Variants in FBXO25 observed in about 807,000 individuals in gnomAD.
FBXO25 encodes the protein F-box only protein 25.
In FBXO25, 45 loss-of-function variants were observed where a neutral mutation model predicts 51.9. That is an observed-to-expected ratio of 0.87 (90% CI 0.68 to 1.11). The LOEUF is 1.11. Among genes scored for constraint, FBXO25 ranks in the 50% most tolerant of loss-of-function variants. The pLI, the probability that FBXO25 is intolerant of heterozygous loss-of-function variation, is 0.00. For synonymous variants in FBXO25, 199 were observed against 151.0 expected, an observed-to-expected ratio of 1.32 and a Z score of -2.33; for missense variants, 507 against 428.5, an observed-to-expected ratio of 1.18 and a Z score of -1.62.
Position 473,150 on chromosome 8 carries a change from C to G in FBXO25, c.*4346C>G, listed in dbSNP as rs568458444. On this transcript the variant is annotated 3_prime_UTR_variant, in exon 10 of 10. Transcript: ENST00000350302. ...ACTCAAGCCCCACTCCTTATCCCTT[C>G]CTGTTGTTTCTGCATAGAGGAGGCA... 1 of 152,458 alleles carries G rather than the reference C, an allele frequency of 6.6e-6. No individual in the cohort carries two copies. Among genetic ancestry groups the G allele is most frequent in the South Asian group, 2.1e-4 (1 of 4,828 alleles). 9.4% of individuals were successfully genotyped at this position (152,458 alleles called of 1,614,324 possible).
intron 5 of FBXO25, among the ~76,000 whole-genome samples, chr8:446,457 C>A (rs1426366046): frequency 2.0e-5 from 3 of 152,290 alleles, no homozygotes; most frequent in African/African-American, 7.2e-5. Context: ...TCATCTCAGT[C>A]TAGGATTCAG....
At chr8:437,479 A>G (rs1379362367) in intron 5 of FBXO25, among the ~76,000 whole-genome samples, 1 of 152,216 alleles carries the variant, frequency 6.6e-6, no homozygotes, top group Non-Finnish European at 1.5e-5. Context: ...CTCTGTGGGA[A>G]TCCCACCTTC....
In FBXO25 at chr8:477,855, TG is replaced by T. The variant is rs1800688297; in HGVS notation, c.*9054del. 6.6e-6 allele frequency: 1 copy of T among 152,238 alleles called. No homozygotes were observed. The highest frequency in any genetic ancestry group is 2.4e-5 in the African/African-American group (1 of 41,478). The allele number at this position is 152,238 out of a possible 1,614,324, so 9.4% of individuals were successfully genotyped here. On this transcript the variant is annotated 3_prime_UTR_variant, in exon 10 of 10. Transcript: ENST00000350302. ...AAATGTAAAAATCATTCTTAACATTTGGGCTGTGCAAAAACAGCTGGTGGGC... is the reference window on the plus strand; with the variant it reads ...AAATGTAAAAATCATTCTTAACATTTGGCTGTGCAAAAACAGCTGGTGGGC...
intron 5 of FBXO25, among the ~76,000 whole-genome samples, chr8:438,729 A>T (rs138936060): frequency 1.3e-5 from 2 of 152,190 alleles, no homozygotes; most frequent in African/African-American, 4.8e-5. Flanking sequence ...CTAACTTTCA[A>T]GAAACTTTGA....
At chr8:427,273 G>A (rs11783529) in intron 2 of FBXO25, among the ~76,000 whole-genome samples, 3 of 143,064 alleles carry the variant, frequency 2.1e-5, no homozygotes, top group African/African-American at 7.7e-5. Flanking sequence ...CAAATTGATC[G>A]AAAGGAAATG....
intron 5 of FBXO25, among the ~76,000 whole-genome samples, chr8:437,429 CCTTCCAAGCAGGGCCT>C (rs1798166559): frequency 6.6e-6 from 1 of 152,234 alleles, no homozygotes; most frequent in African/African-American, 2.4e-5. Flanking sequence ...TTGATTGCTG[CCTTCCAAGCAGGGCCT>C]TGCTTGGCTC....
intron 5 of FBXO25, 87 bp downstream of exon 5, chr8:435,794 T>C: frequency 1.3e-6 from 2 of 1,526,044 alleles, no homozygotes. Context: ...TTGAAGATGC[T>C]TTTGGCAGCT....
At chr8:452,590 G>C (rs549966096) in intron 7 of FBXO25, among the ~76,000 whole-genome samples, 5 of 152,350 alleles carry the variant, frequency 3.3e-5, no homozygotes, top group African/African-American at 1.2e-4. Flanking sequence ...TCTGGGGAGA[G>C]AATAGGGTGT....
rs1584984320 is a variant in FBXO25 at position 407,048 on chromosome 8, G to A, written c.-26G>A. On this transcript the variant is annotated 5_prime_UTR_variant, in exon 1 of 10. Transcript: ENST00000350302. Reference sequence around the variant, plus strand: ...ACGCGGGCGCGTCAGGTGAAGACTGGGGGCCGCAGGCGCGCTAGGTAGGTG... The same window carrying A: ...ACGCGGGCGCGTCAGGTGAAGACTGAGGGCCGCAGGCGCGCTAGGTAGGTG... 1.3e-5 allele frequency: 2 copies of A among 152,060 alleles called. No homozygotes were observed. The highest frequency in any genetic ancestry group is 1.3e-4 in the Admixed American group (2 of 15,252). 9.4% of individuals were successfully genotyped at this position (152,060 alleles called of 1,614,324 possible).
At position 469,007 on chromosome 8, in the gene FBXO25, C is replaced by T; in HGVS notation, c.*203C>T. On this transcript the variant is annotated 3_prime_UTR_variant, in exon 10 of 10. Transcript: ENST00000350302. Reference sequence around the variant, plus strand: ...TCAGAGGCCAAGGAAATCATTTCTACTTCTTTAAAAACTCCTTCTAAGCAT... The same window carrying T: ...TCAGAGGCCAAGGAAATCATTTCTATTTCTTTAAAAACTCCTTCTAAGCAT... 1.8e-6 allele frequency: 1 copy of T among 548,856 alleles called. No homozygotes were observed. The highest frequency in any genetic ancestry group is 3.2e-6 in the Non-Finnish European group (1 of 312,302). 34.0% of individuals were successfully genotyped at this position (548,856 alleles called of 1,614,324 possible). A position where few individuals can be genotyped will look rare whatever the true frequency, so the allele number is the denominator to read the frequency against.
At chr8:457,263 A>G (rs1196785067) in intron 7 of FBXO25, among the ~76,000 whole-genome samples, 1 of 152,178 alleles carries the variant, frequency 6.6e-6, no homozygotes, top group Non-Finnish European at 1.5e-5. Context: ...TCTAGTGAGA[A>G]TGAAGGGATT....
intron 5 of FBXO25, among the ~76,000 whole-genome samples, chr8:438,585 G>A (rs992764203): frequency 6.6e-6 from 1 of 152,190 alleles, no homozygotes; most frequent in African/African-American, 2.4e-5. Context: ...CAGATGTCCT[G>A]TTGGAGGCAT....
chr8:444,425 C>G (rs1233607065), intron 5 of FBXO25, among the ~76,000 whole-genome samples: 1 of 152,148 alleles, frequency 6.6e-6, no homozygotes, highest in Non-Finnish European at 1.5e-5. Flanking sequence ...TTTTATTTAA[C>G]TTTATTGGAT....
intron 2 of FBXO25, among the ~76,000 whole-genome samples, chr8:419,507 T>G (rs1299661243): frequency 1.3e-5 from 2 of 152,218 alleles, no homozygotes; most frequent in Admixed American, 6.5e-5. Flanking sequence ...CATACAGATA[T>G]GGTCGGTTTG....
rs989915535 is a variant in FBXO25, at chr8:472,149, C to T, written c.*3345C>T. On this transcript the variant is annotated 3_prime_UTR_variant, in exon 10 of 10. Coordinates refer to ENST00000350302, the MANE Select transcript of FBXO25 (RefSeq NM_183420.2). ...TGAACATCCTTGTCTTGTTCCTCAT[C>T]TTAGGGGAAAGCTTTCAGTCTCACC... is the stretch of plus-strand genomic sequence containing the variant. 7 of 152,216 alleles carry T rather than the reference C, an allele frequency of 4.6e-5. No homozygotes were observed. The highest frequency in any genetic ancestry group is 1.2e-4 in the African/African-American group (5 of 41,450). 9.4% of individuals were successfully genotyped at this position (152,216 alleles called of 1,614,324 possible). A position where few individuals can be genotyped will look rare whatever the true frequency, so the allele number is the denominator to read the frequency against.
In FBXO25 at chr8:463,087, A is replaced by G; in HGVS notation, c.924A>G (p.Pro308=). ...LMYFALQKHY[P]AKEQYGDTLH... is the part of the protein sequence containing the mutation. ...ACTTTGCACTTCAGAAACATTACCC[A>G]GCGAAGGAGCAGTACGGAGACACAC... The change falls in exon 9 of 10, where the codon CCA becomes CCG. Residue 308 remains proline (P), a synonymous_variant. Transcript: ENST00000350302. The G allele has an allele frequency of 6.2e-7, 1 of 1,614,070 alleles. No individual in the cohort carries two copies. The highest frequency in any genetic ancestry group is 8.5e-7 in the Non-Finnish European group (1 of 1,180,020).
chr8:433,826 C>G (rs1797955433), intron 4 of FBXO25, among the ~76,000 whole-genome samples: 1 of 152,110 alleles, frequency 6.6e-6, no homozygotes, highest in Non-Finnish European at 1.5e-5. Flanking sequence ...GGATTAGATT[C>G]TGAGAAAGAA....
chr8:455,502 C>T (rs1307831185), intron 7 of FBXO25, among the ~76,000 whole-genome samples: 8 of 152,200 alleles, frequency 5.3e-5, no homozygotes, highest in East Asian at 3.8e-4. Context: ...GTTGGGAACA[C>T]GGACTTGGGG....
chr8:451,363 T>G lies in FBXO25; in HGVS notation c.570T>G (p.Ser190=). The change falls in exon 7 of 10, where the codon TCT becomes TCG. Residue 190 remains serine, a synonymous_variant. Coordinates refer to ENST00000350302, the MANE Select transcript of FBXO25 (RefSeq NM_183420.2). ...LCILIRGVGK[S]VLVGNINIWI... is the part of the protein sequence containing the mutation. ...TTCTTATTAGAGGAGTAGGGAAGTC[T>G]GTATTAGTGGGAAACATCAATATTT... is the stretch of plus-strand genomic sequence containing the variant. The G allele has an allele frequency of 1.9e-6, 3 of 1,614,076 alleles. No individual in the cohort carries two copies. In the South Asian group the frequency reaches 3.3e-5, roughly 18 times the overall value.
Sources: allele counts gnomAD v4.1 joint callset (sites outside exome capture counted in the v4.1 genomes callset), GRCh38; gene constraint gnomAD v4.1.1; transcripts MANE v1.5; gene names NCBI Gene and HGNC (gene_info 2026-07-23, HGNC 2026-07-21).